NUTM2F: variants seen among roughly 807,000 people sequenced by gnomAD.
NUTM2F encodes family with sequence similarity 22, member F.
Under a neutral mutation model 43.3 loss-of-function variants are expected in NUTM2F, and 22 were observed. The ratio of observed to expected loss-of-function variants is 0.51; its 90% CI spans 0.36 to 0.73. NUTM2F has a LOEUF of 0.73. Among genes scored for constraint, NUTM2F ranks in the 30% least tolerant of loss-of-function variants. The pLI is 0.00. For synonymous variants in NUTM2F, 202 were observed against 389.0 expected (o/e 0.52, Z 5.66); for missense variants, 488 against 927.4 (o/e 0.53, Z 6.15).
At chr9:94,323,317 G>A (rs1192374279) in intron 2 of NUTM2F, among the ~76,000 whole-genome samples, 1 of 152,212 alleles carries the variant, frequency 6.6e-6, no homozygotes, top group Admixed American at 6.5e-5. Flanking sequence ...CTACACCCCA[G>A]GCAGGGGACT....
chr9:94,323,025 C>G (rs1050701883), intron 2 of NUTM2F, among the ~76,000 whole-genome samples: 2 of 151,952 alleles, frequency 1.3e-5, no homozygotes, highest in Non-Finnish European at 1.5e-5. Flanking sequence ...GACTCTGGAG[C>G]AAGGCAGCCC....
rs1337904468 is a variant in NUTM2F, at chr9:94,325,529, A to G, written c.422T>C (p.Val141Ala). Residue 141 changes from valine to alanine, a missense_variant, in exon 2 of 7, where the codon GTT becomes GCT. Physicochemically the swap from Val to Ala is moderately conservative, Grantham distance 64. Coordinates refer to ENST00000253262, the MANE Select transcript of NUTM2F (RefSeq NM_017561.2). Reference sequence around the variant, plus strand: ...TCCCTCACAGGCCTGGGTGCCCCCAACCACCTGGGCAGAGGTAACGGGCAC... The same window carrying G: ...TCCCTCACAGGCCTGGGTGCCCCCAGCCACCTGGGCAGAGGTAACGGGCAC... The part of the protein sequence containing the change: ...PGVPVTSAQV[V>A]GGTQACEGGW... The G allele has an allele frequency of 2.1e-6, 3 of 1,428,048 alleles. No individual in the cohort carries two copies. Among genetic ancestry groups the G allele is most frequent in the Admixed American group, 4.6e-5 (2 of 43,726 alleles). 88.5% of individuals were successfully genotyped at this position (1,428,048 alleles called of 1,614,324 possible). A position where few individuals can be genotyped will look rare whatever the true frequency, so the allele number is the denominator to read the frequency against.
chr9:94,322,281 C>T lies in NUTM2F; in HGVS notation c.762G>A (p.Glu254=). 5 of 1,612,058 alleles carry T rather than the reference C, an allele frequency of 3.1e-6. No individual in the cohort carries two copies. Among genetic ancestry groups the T allele is most frequent in the Non-Finnish European group, 4.2e-6 (5 of 1,179,880 alleles). ...LARRKPTMTL[E]EGLWQAMREW... ...CCCGCATGGCCTGCCACAGTCCCTC[C>T]TCCAGCGTCATGGTGGGCTTCCGCC... The change falls in exon 3 of 7, where the codon GAG becomes GAA. Residue 254 remains glutamate (E), a synonymous_variant. Coordinates refer to ENST00000253262, the MANE Select transcript of NUTM2F (RefSeq NM_017561.2).
Position 94,320,618 on chromosome 9 carries a change from G to A in NUTM2F, c.983-25C>T. On this transcript the variant is annotated intron_variant, in intron 4 of 6. Transcript: ENST00000253262. The surrounding 1 kb of genome is among the most constrained non-coding windows in gnomAD (Gnocchi z 4.5). The stretch of plus-strand genomic sequence containing the variant: ...ACTGAGGCAGAGAGGGAGGAGGATG[G>A]GTGTGGTGAGGGCCGCTCCTCCTGC... The A allele has an allele frequency of 6.3e-7, 1 of 1,578,338 alleles. No homozygotes were observed. The highest frequency in any genetic ancestry group is 8.6e-7 in the Non-Finnish European group (1 of 1,168,084).
intron 3 of NUTM2F, among the ~76,000 whole-genome samples, chr9:94,321,898 C>T (rs1245359385): frequency 6.6e-6 from 1 of 151,632 alleles, no homozygotes. Context: ...TTCTCCCCAT[C>T]CCCACAGCTG....
chr9:94,325,835 T>C lies in NUTM2F; in HGVS notation c.116A>G (p.His39Arg), dbSNP rs1326136239. The C allele has an allele frequency of 6.2e-7, 1 of 1,612,056 alleles. No individual in the cohort carries two copies. The highest frequency in any genetic ancestry group is 1.1e-5 in the South Asian group (1 of 91,002). Residue 39 changes from histidine to arginine, a missense_variant, in exon 2 of 7, where the codon CAC (histidine) becomes CGC (arginine). By Grantham distance (29) the His-to-Arg change is conservative (BLOSUM62 0). Transcript: ENST00000253262. ...CACTGCAGTCACGAGGGGCGGCCTGTGTGCTGGGCCGGGAGCGGGTGTGGC... is the reference window on the plus strand; with the variant it reads ...CACTGCAGTCACGAGGGGCGGCCTGCGTGCTGGGCCGGGAGCGGGTGTGGC... ...PFATPAPGPAHRPPLVTAVVP... is the reference protein window; with the variant it reads ...PFATPAPGPARRPPLVTAVVP...
intron 1 of NUTM2F, among the ~76,000 whole-genome samples, chr9:94,327,020 C>T (rs937924251): frequency 6.0e-5 from 9 of 149,992 alleles, no homozygotes; most frequent in Non-Finnish European, 3.0e-5. Context: ...GTGTAGCCAG[C>T]AACAGCTGCA....
At chr9:94,323,261 G>T (rs1831402411) in intron 2 of NUTM2F, among the ~76,000 whole-genome samples, 1 of 152,212 alleles carries the variant, frequency 6.6e-6, no homozygotes, top group African/African-American at 2.4e-5. Context: ...GTTCCAGGGT[G>T]TGGGGGCAGC....
Position 94,322,303 on chromosome 9 carries a change from C to T in NUTM2F, c.740G>A (p.Arg247Gln), listed in dbSNP as rs758983018. 9 of 1,611,860 alleles carry T rather than the reference C, an allele frequency of 5.6e-6. No individual in the cohort carries two copies. The Admixed American group carries it at 8.3e-5, about 15-fold the overall frequency. Residue 247 changes from arginine (R) to glutamine (Q), a missense_variant, in exon 3 of 7, where the codon CGG becomes CAG. By Grantham distance (43) the Arg-to-Gln change is conservative (BLOSUM62 1). Coordinates refer to ENST00000253262, the MANE Select transcript of NUTM2F (RefSeq NM_017561.2). ...LIPVLRSLAR[R>Q]KPTMTLEEGL... Reference sequence around the variant, plus strand: ...CTCCTCCAGCGTCATGGTGGGCTTCCGCCGGGCCAGGGATCGGAGAACTGG... The same window carrying T: ...CTCCTCCAGCGTCATGGTGGGCTTCTGCCGGGCCAGGGATCGGAGAACTGG...
intron 2 of NUTM2F, 146 bp downstream of exon 2, chr9:94,325,092 T>C: frequency 1.1e-6 from 1 of 910,472 alleles, no homozygotes; most frequent in Non-Finnish European, 1.7e-6. Context: ...AGATTAATGT[T>C]GCTGAAAACG....
intron 2 of NUTM2F, among the ~76,000 whole-genome samples, chr9:94,323,422 G>A (rs1013349668): frequency 6.6e-6 from 1 of 152,180 alleles, no homozygotes; most frequent in African/African-American, 2.4e-5. Flanking sequence ...GGTGCCGCGG[G>A]GTGGAGAGAG....
In NUTM2F at chr9:94,320,798, C is replaced by T. The variant is rs992068305; in HGVS notation, c.983-205G>A. 5.9e-5 allele frequency among the ~76,000 whole-genome samples: 9 copies of T among 152,142 alleles called. No individual in the cohort carries two copies. The highest frequency in any genetic ancestry group is 1.3e-4 in the Non-Finnish European group (9 of 68,012). ...AGGAAGTTTGGAGCCACCGATATGC[C>T]GTGTACTCTCCCCGCTCATCTCTGC... is the stretch of plus-strand genomic sequence containing the variant. On this transcript the variant is annotated intron_variant, in intron 4 of 6. Transcript: ENST00000253262. This position sits in a 1 kb window ranked among gnomAD's most constrained non-coding sequence, Gnocchi z 4.5.
intron 3 of NUTM2F, 66 bp downstream of exon 3, chr9:94,322,135 C>T (rs1831379628): frequency 6.2e-7 from 1 of 1,604,180 alleles, no homozygotes; most frequent in African/African-American, 1.3e-5. Flanking sequence ...CCACCACGGC[C>T]ACCGGGCCTC....
At chr9:94,323,225 C>G (rs942185391) in intron 2 of NUTM2F, among the ~76,000 whole-genome samples, 2 of 151,982 alleles carry the variant, frequency 1.3e-5, no homozygotes, top group African/African-American at 2.4e-5. Flanking sequence ...TGCACCGGGA[C>G]TCCGCTCCAA....
At chr9:94,324,674 AAAAAGAAAAG>A (rs1166410359) in intron 2 of NUTM2F, among the ~76,000 whole-genome samples, 5 of 147,620 alleles carry the variant, frequency 3.4e-5, no homozygotes, top group African/African-American at 1.3e-4. Context: ...AAAAAAAAAA[AAAAAGAAAAG>A]AAAAGAAAAG....
At chr9:94,324,139 G>A (rs1374971914) in intron 2 of NUTM2F, among the ~76,000 whole-genome samples, 3 of 151,908 alleles carry the variant, frequency 2.0e-5, no homozygotes, top group East Asian at 1.9e-4. Context: ...GCATGGTGGC[G>A]GGCGCCTGTA....
Position 94,320,924 on chromosome 9 carries a change from C to A in NUTM2F, c.982+169G>T, listed in dbSNP as rs7026729. Among the ~76,000 whole-genome samples the A allele has an allele frequency of 0.76, 115,650 of 152,120 alleles. 44,280 individuals are homozygous for A. The highest frequency in any genetic ancestry group is 1 in the East Asian group (5,145 of 5,156). Reference sequence around the variant, plus strand: ...CCCTGCTTCGTGATCACGGGCCACCCATGAAGTAGGTATTCACCTGGTCAA... The same window carrying A: ...CCCTGCTTCGTGATCACGGGCCACCAATGAAGTAGGTATTCACCTGGTCAA... On this transcript the variant is annotated intron_variant, in intron 4 of 6. Coordinates refer to ENST00000253262, the MANE Select transcript of NUTM2F (RefSeq NM_017561.2). The surrounding 1 kb of genome is among the most constrained non-coding windows in gnomAD (Gnocchi z 4.5).
Position 94,320,396 on chromosome 9 carries a change from C to T in NUTM2F, c.1180G>A (p.Val394Met). The T allele has an allele frequency of 6.2e-7, 1 of 1,613,138 alleles. No homozygotes were observed. The highest frequency in any genetic ancestry group is 8.5e-7 in the Non-Finnish European group (1 of 1,179,882). ...TKVPEEIPPE[V>M]VQEYVDIMEE... ...ATGATGTCCACATACTCCTGCACCA[C>T]TTCAGGGGGGATCTCCTCAGGGACC... The change falls in exon 5 of 7, where the codon GTG becomes ATG. Residue 394 changes from valine (V) to methionine (M), a missense_variant. By Grantham distance (21) the Val-to-Met change is conservative. Transcript: ENST00000253262. This position sits in a 1 kb window ranked among gnomAD's most constrained non-coding sequence, Gnocchi z 4.5.
intron 2 of NUTM2F, among the ~76,000 whole-genome samples, chr9:94,323,433 G>A (rs1330511456): frequency 1.3e-5 from 2 of 152,178 alleles, no homozygotes; most frequent in African/African-American, 4.8e-5. Flanking sequence ...GTGGAGAGAG[G>A]CAGGGACTGG....
Sources: gnomAD v4.1 joint callset for allele counts (sites outside exome capture counted in the v4.1 genomes callset) on GRCh38, gnomAD v4.1.1 for gene constraint, Gnocchi (gnomAD v3.1) non-coding constraint, MANE v1.5 for transcripts, NCBI Gene and HGNC (gene_info 2026-07-23, HGNC 2026-07-21) for gene names.